The following GALNT7 variants were observed in gnomAD, a reference collection of about 807,000 sequenced individuals.
GALNT7 encodes the protein N-acetylgalactosaminyltransferase 7.
A neutral mutation model predicts 82.1 loss-of-function variants in GALNT7; 60 were observed. The observed-to-expected ratio is 0.73, with a 90% CI of 0.59 to 0.91. GALNT7 has a LOEUF of 0.91. GALNT7 is among the 40% of genes least tolerant of loss of function. GALNT7 has a pLI of 0.00. For missense variants in GALNT7, 660 were observed against 804.2 expected (o/e 0.82, Z 2.17); for synonymous variants, 243 against 275.1 (o/e 0.88, Z 1.15).
At chr4:173,300,204 G>A (rs751466725) in intron 6 of GALNT7, among the ~76,000 whole-genome samples, 6 of 152,206 alleles carry the variant, frequency 3.9e-5, no homozygotes, top group African/African-American at 4.8e-5. Flanking sequence ...TTAGCCTGGT[G>A]TGGTGGCACG....
At chr4:173,187,727 A>C (rs1343607346) in intron 1 of GALNT7, among the ~76,000 whole-genome samples, 1 of 152,232 alleles carries the variant, frequency 6.6e-6, no homozygotes, top group African/African-American at 2.4e-5. Flanking sequence ...TAGTATTAAG[A>C]AATTTAAGTC....
intron 2 of GALNT7, 112 bp downstream of exon 2, chr4:173,248,552 A>G (rs1734744258): frequency 1.5e-6 from 1 of 675,818 alleles, no homozygotes; most frequent in Non-Finnish European, 2.5e-6. Flanking sequence ...CTTTATTTCA[A>G]GGAAATAAGA....
At chr4:173,232,556 C>G (rs1445354443) in intron 1 of GALNT7, among the ~76,000 whole-genome samples, 1 of 151,886 alleles carries the variant, frequency 6.6e-6, no homozygotes, top group Non-Finnish European at 1.5e-5. Context: ...CCTCAGCCTT[C>G]CAAGTAACTG....
chr4:173,319,684 C>T (rs1399004117), intron 11 of GALNT7, among the ~76,000 whole-genome samples: 2 of 152,082 alleles, frequency 1.3e-5, no homozygotes, highest in Non-Finnish European at 2.9e-5. Flanking sequence ...AGACGCAGCA[C>T]TGAATATACA....
At chr4:173,291,639 C>T (rs938661286) in intron 2 of GALNT7, among the ~76,000 whole-genome samples, 19 of 152,126 alleles carry the variant, frequency 1.2e-4, no homozygotes, top group African/African-American at 4.6e-4. Flanking sequence ...TCAGGTCAAC[C>T]TGTTTAATAT....
At chr4:173,295,597 A>G in intron 4 of GALNT7, 71 bp downstream of exon 4, 1 of 1,454,738 alleles carries the variant, frequency 6.9e-7, no homozygotes, top group Non-Finnish European at 9.6e-7. Flanking sequence ...ATTTTTAATC[A>G]TTCTTCAGTT....
chr4:173,308,353 A>T (rs1737236650), intron 8 of GALNT7, among the ~76,000 whole-genome samples: 1 of 152,228 alleles, frequency 6.6e-6, no homozygotes, highest in Non-Finnish European at 1.5e-5. Context: ...AAACTCAAAA[A>T]AGTCTGACAC....
At chr4:173,247,835 G>A in intron 1 of GALNT7, 145 bp from the exon 2 acceptor site, 1 of 585,400 alleles carries the variant, frequency 1.7e-6, no homozygotes, top group Non-Finnish European at 3.0e-6. Context: ...CTCCTAATGG[G>A]AAGTCCTGAT....
intron 2 of GALNT7, among the ~76,000 whole-genome samples, chr4:173,291,632 G>C (rs150135062): frequency 1.7e-3 from 254 of 152,226 alleles, no homozygotes; most frequent in African/African-American, 5.8e-3. Context: ...ATATGCCTCA[G>C]GTCAACCTGT....
intron 1 of GALNT7, among the ~76,000 whole-genome samples, chr4:173,244,242 GA>G (rs1311796300): frequency 6.6e-6 from 1 of 152,160 alleles, no homozygotes; most frequent in African/African-American, 2.4e-5. Flanking sequence ...ACCCTTTGAA[GA>G]AAAAGTTTGC....
intron 2 of GALNT7, among the ~76,000 whole-genome samples, chr4:173,287,030 A>G (rs1173348977): frequency 6.6e-6 from 1 of 152,214 alleles, no homozygotes; most frequent in Non-Finnish European, 1.5e-5. Context: ...GCAAAGTTTC[A>G]ACTCGAGGGT....
chr4:173,291,828 T>C (rs1051658718), intron 2 of GALNT7, among the ~76,000 whole-genome samples: 3 of 151,174 alleles, frequency 2.0e-5, no homozygotes, highest in Non-Finnish European at 4.4e-5. Context: ...ACCTGATAGC[T>C]GTAAATACTA....
chr4:173,209,684 T>C (rs116057498), intron 1 of GALNT7, among the ~76,000 whole-genome samples: 2,668 of 152,310 alleles, frequency 0.018, 38 homozygotes, highest in Non-Finnish European at 0.026. Flanking sequence ...CTCAGGAATG[T>C]GTAGATGGCC....
rs183232834 is a variant in GALNT7 at position 173,320,870 on chromosome 4, G to A, written c.1837-710G>A. 1.3e-5 allele frequency among the ~76,000 whole-genome samples: 2 copies of A among 152,024 alleles called. No homozygotes were observed. Among genetic ancestry groups the A allele is most frequent in the African/African-American group, 2.4e-5 (1 of 41,386 alleles). On this transcript the variant is annotated intron_variant, in intron 11 of 11. Coordinates refer to ENST00000265000, the MANE Select transcript of GALNT7 (RefSeq NM_017423.3). This position sits in a 1 kb window ranked among gnomAD's most constrained non-coding sequence, Gnocchi z 4.1. ...ATCAGTGACATCCTTAAGTGAAACC[G>A]GCATTTACTTTTCAACTGTGTGTGG... is the stretch of plus-strand genomic sequence containing the variant.
chr4:173,214,598 C>T (rs1733382996), intron 1 of GALNT7, among the ~76,000 whole-genome samples: 1 of 152,162 alleles, frequency 6.6e-6, no homozygotes, highest in Non-Finnish European at 1.5e-5. Context: ...TCCAGATGAG[C>T]CATGGGAACA....
chr4:173,252,863 A>G (rs1734895071), intron 2 of GALNT7, among the ~76,000 whole-genome samples: 1 of 152,146 alleles, frequency 6.6e-6, no homozygotes, highest in Non-Finnish European at 1.5e-5. Context: ...TATTTTAATA[A>G]TGTGGTTCAG....
intron 1 of GALNT7, among the ~76,000 whole-genome samples, chr4:173,182,925 T>TACAC (rs61378172): frequency 0.013 from 1,739 of 134,270 alleles, 53 homozygotes; most frequent in African/African-American, 0.049. Flanking sequence ...TTACTCATAA[T>TACAC]ACACACACAC....
intron 1 of GALNT7, among the ~76,000 whole-genome samples, chr4:173,171,159 C>T (rs1259580837): frequency 6.6e-6 from 1 of 152,094 alleles, no homozygotes; most frequent in African/African-American, 2.4e-5. Flanking sequence ...TAAAGTGTAG[C>T]TTATAAATAA....
At chr4:173,269,839 C>T (rs1026300147) in intron 2 of GALNT7, among the ~76,000 whole-genome samples, 6 of 152,166 alleles carry the variant, frequency 3.9e-5, no homozygotes, top group Admixed American at 6.5e-5. Context: ...CGATAGACCA[C>T]GGCCATAAAG....
Sources: gnomAD v4.1 joint callset for allele counts (sites outside exome capture counted in the v4.1 genomes callset) on GRCh38, gnomAD v4.1.1 for gene constraint, Gnocchi (gnomAD v3.1) non-coding constraint, MANE v1.5 for transcripts, NCBI Gene and HGNC (gene_info 2026-07-23, HGNC 2026-07-21) for gene names.